The following LHFPL3 variants were observed in gnomAD, a reference collection of about 807,000 sequenced individuals.
LHFPL3 encodes the protein LHFPL tetraspan subfamily member 3, also known as LHFPL tetraspan subfamily member 3 protein.
In LHFPL3, 5 loss-of-function variants were observed where a neutral mutation model predicts 19.3. That is an observed-to-expected ratio of 0.26 (90% CI 0.14 to 0.54). The LOEUF is 0.54. Ranked by LOEUF, LHFPL3 falls within the 20% of genes least tolerant of loss-of-function variation. The pLI, the probability that LHFPL3 is intolerant of heterozygous loss-of-function variation, is 0.94. For synonymous variants in LHFPL3, 133 were observed against 126.2 expected (o/e 1.05, Z -0.36); for missense variants, 249 against 307.4 (o/e 0.81, Z 1.42).
chr7:104,336,354 A>ACATAATTAATAT (rs1297402543), intron 1 of LHFPL3, among the ~76,000 whole-genome samples: 1 of 152,192 alleles, frequency 6.6e-6, no homozygotes, highest in African/African-American at 2.4e-5. Flanking sequence ...CTAAATGTTT[A>ACATAATTAATAT]CATAATTAAT....
chr7:104,537,864 C>T lies in LHFPL3; in HGVS notation c.446-198811C>T, dbSNP rs115831165. On this transcript the variant is annotated intron_variant, in intron 1 of 2. Coordinates refer to ENST00000424859, the MANE Select transcript of LHFPL3 (RefSeq NM_199000.3). Reference sequence around the variant, plus strand: ...CTAAAATAACTTATATACAGTCCTGCGCATAAAGAAATGATTACTTTCCAT... The same window carrying T: ...CTAAAATAACTTATATACAGTCCTGTGCATAAAGAAATGATTACTTTCCAT... 7.0e-3 allele frequency among the ~76,000 whole-genome samples: 1,063 copies of T among 152,258 alleles called. 9 individuals are homozygous for T. Among genetic ancestry groups the T allele is most frequent in the African/African-American group, 0.024 (1,000 of 41,542 alleles).
chr7:104,598,829 C>A (rs1258076426), intron 1 of LHFPL3, among the ~76,000 whole-genome samples: 1 of 152,168 alleles, frequency 6.6e-6, no homozygotes, highest in African/African-American at 2.4e-5. Context: ...AATCTTAAAA[C>A]CATTTTTCTT....
At chr7:104,645,490 C>T (rs985383830) in intron 1 of LHFPL3, among the ~76,000 whole-genome samples, 18 of 151,742 alleles carry the variant, frequency 1.2e-4, no homozygotes, top group Non-Finnish European at 2.2e-4. Flanking sequence ...TACTATGTTC[C>T]CTAAGATGAT....
At chr7:104,509,767 A>AAAATT (rs1793775216) in intron 1 of LHFPL3, among the ~76,000 whole-genome samples, 1 of 152,106 alleles carries the variant, frequency 6.6e-6, no homozygotes, top group South Asian at 2.1e-4. Context: ...AAAATAAAAT[A>AAAATT]AAAGACATAC....
intron 1 of LHFPL3, among the ~76,000 whole-genome samples, chr7:104,731,900 T>C (rs1002409352): frequency 5.9e-5 from 9 of 152,234 alleles, no homozygotes; most frequent in East Asian, 5.8e-4. Flanking sequence ...TACGTCTCAT[T>C]AATACCTAAT....
At chr7:104,857,150 G>A (rs1243599995) in intron 2 of LHFPL3, among the ~76,000 whole-genome samples, 1 of 152,172 alleles carries the variant, frequency 6.6e-6, no homozygotes, top group African/African-American at 2.4e-5. Flanking sequence ...CCATAGCTCA[G>A]TGAGCCTATT....
chr7:104,388,633 C>G (rs1023519073), intron 1 of LHFPL3, among the ~76,000 whole-genome samples: 11 of 152,016 alleles, frequency 7.2e-5, no homozygotes, highest in African/African-American at 2.2e-4. Context: ...ACACAAAATC[C>G]TCAAGAAAAT....
chr7:104,356,144 C>T (rs1790270264), intron 1 of LHFPL3, among the ~76,000 whole-genome samples: 1 of 152,190 alleles, frequency 6.6e-6, no homozygotes, highest in Admixed American at 6.5e-5. Flanking sequence ...ATGAAAAATA[C>T]AGTTGTTTAC....
chr7:104,417,679 GT>G (rs962896176), intron 1 of LHFPL3, among the ~76,000 whole-genome samples: 6 of 152,010 alleles, frequency 3.9e-5, no homozygotes, highest in African/African-American at 1.2e-4. Flanking sequence ...ATCCTTGTGG[GT>G]TTTTTGAATA....
chr7:104,735,749 A>T (rs890907364), intron 1 of LHFPL3, among the ~76,000 whole-genome samples: 1 of 152,220 alleles, frequency 6.6e-6, no homozygotes, highest in Non-Finnish European at 1.5e-5. Flanking sequence ...AGATGAACCC[A>T]GTACCTCAGT....
At chr7:104,478,602 T>C (rs1212393063) in intron 1 of LHFPL3, among the ~76,000 whole-genome samples, 2 of 152,118 alleles carry the variant, frequency 1.3e-5, no homozygotes, top group African/African-American at 4.8e-5. Context: ...ATACCATCCA[T>C]GTCTCTGGTG....
rs137912988 is a variant in LHFPL3 at position 104,829,505 on chromosome 7, G to A, written c.683-76682G>A. Among the ~76,000 whole-genome samples, 582 of 150,968 alleles carry A rather than the reference G, an allele frequency of 3.9e-3. 11 individuals carry two copies. The highest frequency in any genetic ancestry group is 0.014 in the Admixed American group (213 of 15,236). On this transcript the variant is annotated intron_variant, in intron 2 of 2. Coordinates refer to ENST00000424859, the MANE Select transcript of LHFPL3 (RefSeq NM_199000.3). The stretch of plus-strand genomic sequence containing the variant: ...ATCCCCCTACCCCACAACAGTCCCC[G>A]GAGTGTGATGTTCCCCTTCCTGTGT...
chr7:104,858,492 C>A (rs1791552358), intron 2 of LHFPL3, among the ~76,000 whole-genome samples: 1 of 152,160 alleles, frequency 6.6e-6, no homozygotes. Context: ...CCACTCCCTG[C>A]CACTTGGTAC....
At chr7:104,822,199 T>C (rs1790688486) in intron 2 of LHFPL3, among the ~76,000 whole-genome samples, 1 of 152,184 alleles carries the variant, frequency 6.6e-6, no homozygotes, top group Admixed American at 6.5e-5. Flanking sequence ...GTGACTTTCG[T>C]TGGAAGGGTC....
intron 2 of LHFPL3, chr7:104,803,975 C>T (rs1790305813): frequency 6.6e-6 from 1 of 152,218 alleles, no homozygotes; most frequent in Admixed American, 6.5e-5. Context: ...GGATTCAGGA[C>T]TGGTTCAACA....
At chr7:104,380,735 A>G (rs1283572790) in intron 1 of LHFPL3, among the ~76,000 whole-genome samples, 1 of 152,204 alleles carries the variant, frequency 6.6e-6, no homozygotes, top group Non-Finnish European at 1.5e-5. Flanking sequence ...TAAAGCATAG[A>G]TGCAAAATCA....
intron 1 of LHFPL3, among the ~76,000 whole-genome samples, chr7:104,332,621 C>T (rs987896087): frequency 5.3e-5 from 8 of 152,094 alleles, no homozygotes; most frequent in Non-Finnish European, 8.8e-5. Flanking sequence ...TGATTCTGAA[C>T]GATGAACCAG....
intron 2 of LHFPL3, among the ~76,000 whole-genome samples, chr7:104,796,086 T>C (rs1273233096): frequency 6.6e-6 from 1 of 152,172 alleles, no homozygotes; most frequent in Non-Finnish European, 1.5e-5. Flanking sequence ...TGGGATGTGA[T>C]GGGATTTTTC....
intron 1 of LHFPL3, among the ~76,000 whole-genome samples, chr7:104,558,175 G>T (rs549639044): frequency 1.3e-5 from 2 of 150,832 alleles, no homozygotes; most frequent in African/African-American, 4.9e-5. Flanking sequence ...ATGATTTATA[G>T]TCCTTTGGGT....
Sources: gnomAD v4.1 joint callset for allele counts (sites outside exome capture counted in the v4.1 genomes callset) on GRCh38, gnomAD v4.1.1 for gene constraint, MANE v1.5 for transcripts, NCBI Gene and HGNC (gene_info 2026-07-23, HGNC 2026-07-21) for gene names.